ATAD2B: variants seen among roughly 807,000 people sequenced by gnomAD.
ATAD2B encodes the protein ATPase family AAA domain containing 2B.
Under a neutral mutation model 167.6 loss-of-function variants are expected in ATAD2B, and 40 were observed. The observed-to-expected ratio is 0.24, with a 90% CI of 0.19 to 0.31. ATAD2B has a LOEUF of 0.31. Among genes scored for constraint, ATAD2B ranks in the 10% least tolerant of loss-of-function variants. The pLI is 1.00. For missense variants in ATAD2B, 1,242 were observed against 1,757.2 expected, an observed-to-expected ratio of 0.71 and a Z score of 5.24; for synonymous variants, 579 against 596.5, an observed-to-expected ratio of 0.97 and a Z score of 0.43.
intron 6 of ATAD2B, among the ~76,000 whole-genome samples, chr2:23,883,256 G>C (rs1330807695): frequency 2.0e-5 from 3 of 147,968 alleles, no homozygotes; most frequent in Admixed American, 6.8e-5. Flanking sequence ...CTCCAGCCTG[G>C]GTGACAGAGT....
the ATAD2B span, among the ~76,000 whole-genome samples, chr2:23,683,866 G>T: frequency 6.6e-6 from 1 of 152,178 alleles, no homozygotes; most frequent in African/African-American, 2.4e-5. Context: ...CTCCTTTCTC[G>T]GGGTCTCCTC....
the ATAD2B span, among the ~76,000 whole-genome samples, chr2:23,677,991 G>GGACT: frequency 6.6e-6 from 1 of 152,178 alleles, no homozygotes; most frequent in Non-Finnish European, 1.5e-5. Flanking sequence ...CTGATTTAAT[G>GGACT]GACTTCTCTG....
At position 23,782,943 on chromosome 2, in the gene ATAD2B, G is replaced by C; in HGVS notation, c.3059C>G (p.Ala1020Gly). 2 of 1,608,076 alleles carry C rather than the reference G, an allele frequency of 1.2e-6. No individual in the cohort carries two copies. The highest frequency in any genetic ancestry group is 1.7e-5 in the Admixed American group (1 of 59,926). Residue 1020 changes from alanine to glycine, a missense_variant, in exon 22 of 28, where the codon GCA (alanine) becomes GGA (glycine). Physicochemically the swap from Ala to Gly is moderately conservative, Grantham distance 60 (BLOSUM62 0). This residue lies in a region of ATAD2B where 204 missense variants were observed against 324.0 expected (regional missense o/e 0.63). Transcript: ENST00000238789. The stretch of plus-strand genomic sequence containing the variant: ...GTCAATATCTTTCAGGAAATCCTTT[G>C]CAGTCAGGTAATTATGTTTATCAAT... ...TKIDKHNYLT[A>G]KDFLKDIDLI...
At chr2:23,825,109 ATTT>A (rs70941593) in intron 15 of ATAD2B, among the ~76,000 whole-genome samples, 3 of 111,526 alleles carry the variant, frequency 2.7e-5, no homozygotes, top group African/African-American at 7.1e-5. Flanking sequence ...CATCAGGCTA[ATTT>A]TTTTTTTTTT....
chr2:23,802,501 A>G (rs925757387), intron 18 of ATAD2B, among the ~76,000 whole-genome samples: 1 of 152,142 alleles, frequency 6.6e-6, no homozygotes, highest in South Asian at 2.1e-4. Flanking sequence ...GAACTATGGT[A>G]GTAACACAAA....
intron 1 of ATAD2B, among the ~76,000 whole-genome samples, chr2:23,896,726 C>G (rs1700204237): frequency 6.6e-6 from 1 of 152,212 alleles, no homozygotes; most frequent in Non-Finnish European, 1.5e-5. Flanking sequence ...AACAATGCCT[C>G]TCTTTCAGGT....
At chr2:23,892,473 CTTT>C (rs549985460) in intron 2 of ATAD2B, among the ~76,000 whole-genome samples, 3 of 132,238 alleles carry the variant, frequency 2.3e-5, no homozygotes, top group Non-Finnish European at 1.6e-5. Flanking sequence ...TTTTTCTTTT[CTTT>C]TTTTTTTTTT....
At chr2:23,814,888 A>G (rs1016618713) in intron 17 of ATAD2B, among the ~76,000 whole-genome samples, 1 of 151,888 alleles carries the variant, frequency 6.6e-6, no homozygotes, top group African/African-American at 2.4e-5. Flanking sequence ...CCCTGACTCT[A>G]CTAAAAATAC....
intron 15 of ATAD2B, among the ~76,000 whole-genome samples, chr2:23,824,007 T>G (rs754658875): frequency 1.3e-5 from 2 of 152,096 alleles, no homozygotes; most frequent in African/African-American, 2.4e-5. Flanking sequence ...TGGAGTGCAG[T>G]GGCACAATCC....
intron 25 of ATAD2B, 68 bp from the exon 26 acceptor site, chr2:23,754,842 T>C (rs1473160670): frequency 5.4e-6 from 8 of 1,478,218 alleles, no homozygotes; most frequent in Non-Finnish European, 6.4e-6. Context: ...TAAGCAGTTA[T>C]AAATTCTTTT....
At position 23,895,937 on chromosome 2, in the gene ATAD2B, G is replaced by A; in HGVS notation, c.250C>T (p.His84Tyr). The A allele has an allele frequency of 1.9e-6, 3 of 1,612,834 alleles. No individual in the cohort carries two copies. The highest frequency in any genetic ancestry group is 2.5e-6 in the Non-Finnish European group (3 of 1,179,202). The change falls in exon 2 of 28, where the codon CAC (histidine) becomes TAC (tyrosine). Residue 84 changes from histidine (H) to tyrosine (Y), a missense_variant. Around this residue, in one of 9 missense-constraint regions of ATAD2B, gnomAD observed 199 missense variants for 194.9 expected, o/e 1.02. Coordinates refer to ENST00000238789, the MANE Select transcript of ATAD2B (RefSeq NM_017552.4). ...VEVDGSLSDS[H>Y]VSPPAKRTLK... is the part of the protein sequence containing the mutation. ...GTGCGTTTGGCTGGAGGAGATACGTGGCTATCACTTAAACTACCATCAACT... is the reference window on the plus strand; with the variant it reads ...GTGCGTTTGGCTGGAGGAGATACGTAGCTATCACTTAAACTACCATCAACT...
At position 23,770,439 on chromosome 2, in the gene ATAD2B, T is replaced by C. The variant is rs575660088; in HGVS notation, c.3134-4811A>G. Among the ~76,000 whole-genome samples the C allele has an allele frequency of 3.9e-5, 6 of 152,366 alleles. No individual in the cohort carries two copies. The South Asian group carries it at 1.2e-3, about 32-fold the overall frequency. The stretch of plus-strand genomic sequence containing the variant: ...GTGTCTTCAGCTCTTATGTCCATTA[T>C]TTAAATTGGGTTATTATTAAATTCT... On this transcript the variant is annotated intron_variant, in intron 22 of 27. Transcript: ENST00000238789.
the ATAD2B span, chr2:23,706,701 T>C: frequency 7.0e-7 from 1 of 1,426,682 alleles, no homozygotes; most frequent in Non-Finnish European, 9.2e-7. Context: ...TGTGGACAAG[T>C]CTGGTGAGGC....
At chr2:23,819,687 C>G (rs1687157768) in intron 17 of ATAD2B, 60 bp downstream of exon 17, 1 of 1,305,124 alleles carries the variant, frequency 7.7e-7, no homozygotes, top group African/African-American at 1.5e-5. Context: ...TACCATAATT[C>G]TAATCATAAA....
chr2:23,818,546 TG>T (rs1355072362), intron 17 of ATAD2B, among the ~76,000 whole-genome samples: 1 of 151,566 alleles, frequency 6.6e-6, no homozygotes, highest in Non-Finnish European at 1.5e-5. Context: ...AAAGAGGAGA[TG>T]AAAGTAATTT....
chr2:23,764,617 T>C (rs1572659041), intron 23 of ATAD2B, among the ~76,000 whole-genome samples: 1 of 152,128 alleles, frequency 6.6e-6, no homozygotes, highest in Non-Finnish European at 1.5e-5. Flanking sequence ...GAGGACACGA[T>C]CAAAAAACAA....
At chr2:23,745,422 A>AAGAAAGGAAAGGG (rs1491261605), downstream of ATAD2B, among the ~76,000 whole-genome samples, 910 of 85,070 alleles carry the variant, frequency 0.011, 12 homozygotes, top group South Asian at 0.022. Flanking sequence ...GGAAGGAAGG[A>AAGAAAGGAAAGGG]AAGGGAAGGG....
chr2:23,760,986 A>C (rs1572646961), intron 24 of ATAD2B, among the ~76,000 whole-genome samples: 1 of 152,228 alleles, frequency 6.6e-6, no homozygotes, highest in African/African-American at 2.4e-5. Context: ...AACAAAACTC[A>C]TATTTGTAGA....
At chr2:23,684,481 A>G in the ATAD2B span, 2 of 1,551,222 alleles carry the variant, frequency 1.3e-6, no homozygotes, top group Non-Finnish European at 1.7e-6. This position sits in a 1 kb window ranked among gnomAD's most constrained non-coding sequence, Gnocchi z 4.4. Context: ...GAGAGTTTGA[A>G]GTCCACCAAA....
Sources: gnomAD v4.1 joint callset for allele counts (sites outside exome capture counted in the v4.1 genomes callset) on GRCh38, gnomAD v4.1.1 for gene constraint, gnomAD v4.1.1 regional missense constraint, Gnocchi (gnomAD v3.1) non-coding constraint, MANE v1.5 for transcripts, NCBI Gene and HGNC (gene_info 2026-07-23, HGNC 2026-07-21) for gene names.